SORCS3: variants seen among roughly 807,000 people sequenced by gnomAD.
SORCS3 encodes the protein sortilin related VPS10 domain containing receptor 3, also known as VPS10 domain-containing receptor SorCS3.
Under a neutral mutation model 146.3 loss-of-function variants are expected in SORCS3, and 57 were observed. That is an observed-to-expected ratio of 0.39 (90% CI 0.31 to 0.49). SORCS3 has a LOEUF of 0.49. Among genes scored for constraint, SORCS3 ranks in the 20% least tolerant of loss-of-function variants. The pLI is 0.92. For missense variants in SORCS3, 1,341 were observed against 1,575.5 expected (o/e 0.85, Z 2.52); for synonymous variants, 653 against 618.5 (o/e 1.06, Z -0.83).
intron 3 of SORCS3, among the ~76,000 whole-genome samples, chr10:104,950,569 A>G (rs1242934438): frequency 1.3e-5 from 2 of 152,188 alleles, no homozygotes; most frequent in Non-Finnish European, 2.9e-5. Context: ...CTGTTTTTAT[A>G]GATCTGGTTT....
intron 1 of SORCS3, among the ~76,000 whole-genome samples, chr10:104,796,333 A>C (rs550474588): frequency 1.3e-5 from 2 of 152,358 alleles, no homozygotes; most frequent in East Asian, 1.9e-4. Context: ...TTGATGAGCA[A>C]ATTCATCTTT....
chr10:104,730,870 A>G (rs1448762885), intron 1 of SORCS3, among the ~76,000 whole-genome samples: 2 of 152,282 alleles, frequency 1.3e-5, no homozygotes, highest in South Asian at 4.1e-4. Flanking sequence ...CCATGATTCC[A>G]TTATCTCCAC....
chr10:104,944,191 CCTCTT>C (rs1457213606), intron 3 of SORCS3, among the ~76,000 whole-genome samples: 1 of 152,134 alleles, frequency 6.6e-6, no homozygotes, highest in Non-Finnish European at 1.5e-5. Context: ...AATCTTGACT[CCTCTT>C]ACTTCGACAA....
chr10:104,931,982 G>A (rs1208649249), intron 3 of SORCS3, among the ~76,000 whole-genome samples: 1 of 152,152 alleles, frequency 6.6e-6, no homozygotes, highest in Non-Finnish European at 1.5e-5. Context: ...CTGGACCTTT[G>A]GAGAGGAGTG....
intron 5 of SORCS3, among the ~76,000 whole-genome samples, chr10:105,088,237 C>T (rs2055676485): frequency 6.6e-6 from 1 of 152,154 alleles, no homozygotes; most frequent in Admixed American, 6.5e-5. Context: ...CTCAATTTCT[C>T]CTTCAGTCAA....
chr10:104,990,719 G>A lies in SORCS3; in HGVS notation c.954+13226G>A, dbSNP rs201787663. On this transcript the variant is annotated intron_variant, in intron 4 of 26. Transcript: ENST00000369701. ...TAGTCATAAGGGTCCTTTTAAGAGG[G>A]AGGCAGGAGAATTAGAGTCACAGAA... Among the ~76,000 whole-genome samples the A allele has an allele frequency of 2.9e-3, 448 of 152,266 alleles. 2 individuals are homozygous for A. Among genetic ancestry groups the A allele is most frequent in the Middle Eastern group, 0.02 (6 of 294 alleles).
At chr10:105,197,626 T>A (rs867403944) in intron 14 of SORCS3, among the ~76,000 whole-genome samples, 5 of 152,218 alleles carry the variant, frequency 3.3e-5, no homozygotes, top group African/African-American at 1.2e-4. Flanking sequence ...CCCTGAAGTG[T>A]TCACATTGTG....
intron 1 of SORCS3, among the ~76,000 whole-genome samples, chr10:104,811,320 G>C (rs1220761189): frequency 6.6e-6 from 1 of 152,236 alleles, no homozygotes; most frequent in South Asian, 2.1e-4. Flanking sequence ...ACTCTAAGTT[G>C]CACATGCAAG....
Position 105,114,381 on chromosome 10 carries a change from A to G in SORCS3, c.1212+8866A>G, listed in dbSNP as rs532950183. ...CAGAAAATTTGGAAGAGGGACGGTC[A>G]TCTTGCCTCTGCCAGGTCTTTCTCC... On this transcript the variant is annotated intron_variant, in intron 7 of 26. Coordinates refer to ENST00000369701, the MANE Select transcript of SORCS3 (RefSeq NM_014978.3). Among the ~76,000 whole-genome samples, 46 of 152,338 alleles carry G rather than the reference A, an allele frequency of 3.0e-4. No individual in the cohort carries two copies. In the South Asian group the frequency reaches 9.5e-3, roughly 32 times the overall value.
intron 1 of SORCS3, among the ~76,000 whole-genome samples, chr10:104,807,264 AC>A (rs1052713658): frequency 6.2e-4 from 95 of 152,066 alleles, no homozygotes; most frequent in African/African-American, 2.2e-3. Flanking sequence ...ACAAAAACAT[AC>A]CACTTTTTAT....
At chr10:104,862,967 C>T (rs1047278193) in intron 2 of SORCS3, among the ~76,000 whole-genome samples, 5 of 152,122 alleles carry the variant, frequency 3.3e-5, no homozygotes, top group Admixed American at 1.3e-4. Context: ...TAAAAATTGT[C>T]GAGGAAGCTG....
chr10:105,038,788 G>A (rs533976293), intron 4 of SORCS3, among the ~76,000 whole-genome samples: 1 of 152,122 alleles, frequency 6.6e-6, no homozygotes, highest in East Asian at 1.9e-4. Context: ...AATTAATAAT[G>A]TCATGAGAAT....
chr10:105,105,534 G>C lies in SORCS3; in HGVS notation c.1212+19G>C. 1 of 1,545,296 alleles carries C rather than the reference G, an allele frequency of 6.5e-7. No homozygotes were observed. The highest frequency in any genetic ancestry group is 1.1e-5 in the South Asian group (1 of 89,550). On this transcript the variant is annotated intron_variant, in intron 7 of 26. Coordinates refer to ENST00000369701, the MANE Select transcript of SORCS3 (RefSeq NM_014978.3). ...CATTCAGGTGAGTACAGAAAGTGCAGTTGGTGGTAGGAGGATGCATCGTTG... is the reference window on the plus strand; with the variant it reads ...CATTCAGGTGAGTACAGAAAGTGCACTTGGTGGTAGGAGGATGCATCGTTG...
At chr10:105,236,934 C>CAA (rs1564791918) in intron 20 of SORCS3, among the ~76,000 whole-genome samples, 12 of 152,182 alleles carry the variant, frequency 7.9e-5, no homozygotes, top group African/African-American at 2.9e-4. Context: ...AGCAATCAAT[C>CAA]TATCTATCTA....
chr10:104,830,116 T>C (rs1215133211), intron 1 of SORCS3, among the ~76,000 whole-genome samples: 2 of 152,278 alleles, frequency 1.3e-5, no homozygotes, highest in South Asian at 2.1e-4. Flanking sequence ...TGTGTTCTCA[T>C]TGTTCATCTC....
chr10:104,971,599 C>G (rs939746521), intron 3 of SORCS3, among the ~76,000 whole-genome samples: 3 of 152,112 alleles, frequency 2.0e-5, no homozygotes, highest in Non-Finnish European at 4.4e-5. Context: ...AAGCATCTTC[C>G]AGGCAGCTCA....
intron 1 of SORCS3, among the ~76,000 whole-genome samples, chr10:104,781,765 C>T (rs944694906): frequency 1.3e-5 from 2 of 152,234 alleles, no homozygotes; most frequent in Admixed American, 6.5e-5. Flanking sequence ...CAGGTGCCCC[C>T]ATATCCTGCT....
chr10:104,671,890 A>T (rs1208001191), intron 1 of SORCS3, among the ~76,000 whole-genome samples: 2 of 151,896 alleles, frequency 1.3e-5, no homozygotes, highest in African/African-American at 4.8e-5. Flanking sequence ...TTTGTTGAGG[A>T]TTTTTCCAGC....
intron 14 of SORCS3, among the ~76,000 whole-genome samples, chr10:105,187,175 C>T (rs1450233825): frequency 6.6e-6 from 1 of 152,054 alleles, no homozygotes; most frequent in Middle Eastern, 3.2e-3. Flanking sequence ...TTCTTCTCTC[C>T]CAATGCTTTT....
Sources: allele counts gnomAD v4.1 joint callset (sites outside exome capture counted in the v4.1 genomes callset), GRCh38; gene constraint gnomAD v4.1.1; transcripts MANE v1.5; gene names NCBI Gene and HGNC (gene_info 2026-07-23, HGNC 2026-07-21).